Variants in GLMN observed in about 807,000 individuals in gnomAD.
GLMN encodes glomulin, FKBP associated protein, also known as glomulin.
GLMN carries 75 observed loss-of-function variants against 87.8 expected under a neutral mutation model. The observed-to-expected ratio is 0.85, with a 90% CI of 0.71 to 1.04. The LOEUF (loss-of-function observed/expected upper bound fraction) is 1.04, where lower values mean the gene tolerates loss of function less well. Among genes scored for constraint, GLMN ranks in the 50% least tolerant of loss-of-function variants. GLMN has a pLI of 0.00. For missense variants in GLMN, 588 were observed against 658.8 expected (o/e 0.89, Z 1.18); for synonymous variants, 206 against 221.6 (o/e 0.93, Z 0.63).
At chr1:92,368,417 T>C in the GLMN span, among the ~76,000 whole-genome samples, 5 of 152,258 alleles carry the variant, frequency 3.3e-5, no homozygotes, top group Admixed American at 3.3e-4. Context: ...CTGACTTTTA[T>C]TGTACTCCAC....
the GLMN span, among the ~76,000 whole-genome samples, chr1:92,334,405 G>A: frequency 6.6e-6 from 1 of 152,112 alleles, no homozygotes; most frequent in Non-Finnish European, 1.5e-5. Context: ...TATATTAGAT[G>A]ACACTAAGGA....
intron 16 of GLMN, among the ~76,000 whole-genome samples, chr1:92,256,257 T>C (rs1182334784): frequency 6.6e-6 from 1 of 151,824 alleles, no homozygotes; most frequent in Non-Finnish European, 1.5e-5. Context: ...GAGGCAGTAA[T>C]TAATAGCCTA....
intron 16 of GLMN, among the ~76,000 whole-genome samples, chr1:92,260,903 C>A (rs1448547224): frequency 6.6e-6 from 1 of 152,056 alleles, no homozygotes; most frequent in African/African-American, 2.4e-5. Flanking sequence ...AAACTGCTCT[C>A]AGGTCTTCCC....
At chr1:92,276,270 A>G (rs1287925972) in intron 7 of GLMN, among the ~76,000 whole-genome samples, 1 of 151,592 alleles carries the variant, frequency 6.6e-6, no homozygotes, top group Non-Finnish European at 1.5e-5. Flanking sequence ...TATTAAATAT[A>G]CATATATTTA....
In GLMN at chr1:92,291,517, G is replaced by A. The variant is rs756654391; in HGVS notation, c.186C>T (p.Gly62=). 2 of 1,613,176 alleles carry A rather than the reference G, an allele frequency of 1.2e-6. No individual in the cohort carries two copies. Among genetic ancestry groups the A allele is most frequent in the Admixed American group, 3.3e-5 (2 of 60,004 alleles). ...EKNKVIIKNM[G]WNLVGPVVRC... is the part of the protein sequence containing the mutation. ...GAACAACAGGACCAACGAGATTCCAGCCCATATTCTTGATGATGACCTGTA... is the reference window on the plus strand; with the variant it reads ...GAACAACAGGACCAACGAGATTCCAACCCATATTCTTGATGATGACCTGTA... The change falls in exon 4 of 19, where the codon GGC becomes GGT. Residue 62 remains glycine, a synonymous_variant. Transcript: ENST00000370360.
chr1:92,289,966 T>C (rs1050974575), intron 5 of GLMN, among the ~76,000 whole-genome samples: 4 of 152,228 alleles, frequency 2.6e-5, no homozygotes, highest in African/African-American at 9.6e-5. Context: ...ATATAGCACA[T>C]GAAAAATAGT....
chr1:92,350,809 A>G, the GLMN span, among the ~76,000 whole-genome samples: 1 of 152,010 alleles, frequency 6.6e-6, no homozygotes, highest in East Asian at 1.9e-4. Context: ...GGGCATGCCT[A>G]TAGTTCCAGC....
At chr1:92,344,594 TGA>T in the GLMN span, among the ~76,000 whole-genome samples, 1 of 152,150 alleles carries the variant, frequency 6.6e-6, no homozygotes, top group Non-Finnish European at 1.5e-5. Flanking sequence ...TATGTATAAG[TGA>T]GAGTATTTTT....
chr1:92,339,737 C>T, the GLMN span, among the ~76,000 whole-genome samples: 5 of 151,900 alleles, frequency 3.3e-5, no homozygotes, highest in South Asian at 2.1e-4. Context: ...AAAATACAGC[C>T]GGGCACAGTG....
At chr1:92,290,418 G>A in intron 4 of GLMN, 112 bp from the exon 5 acceptor site, 2 of 699,296 alleles carry the variant, frequency 2.9e-6, no homozygotes, top group South Asian at 1.6e-5. Context: ...TTATGTTTTT[G>A]CTTAACATTA....
At chr1:92,328,363 T>G in the GLMN span, among the ~76,000 whole-genome samples, 4 of 152,222 alleles carry the variant, frequency 2.6e-5, no homozygotes, top group Non-Finnish European at 5.9e-5. Context: ...AAATTCTTTT[T>G]TCTTTGTTGG....
At chr1:92,305,450 A>AAAAAAAAAAAAAAAAAAAAAAC in the GLMN span, among the ~76,000 whole-genome samples, 2 of 141,852 alleles carry the variant, frequency 1.4e-5, 1 homozygote, top group African/African-American at 5.9e-5. Context: ...AAAAAAAAAA[A>AAAAAAAAAAAAAAAAAAAAAAC]AGACAATATG....
chr1:92,267,822 A>G, intron 11 of GLMN, 91 bp downstream of exon 11: 3 of 777,284 alleles, frequency 3.9e-6, no homozygotes, highest in Non-Finnish European at 7.0e-6. Context: ...GTTGCAGAGA[A>G]AAGAGTGGGA....
At chr1:92,286,411 T>G (rs1436228757) in intron 7 of GLMN, 79 bp downstream of exon 7, 1 of 696,694 alleles carries the variant, frequency 1.4e-6, no homozygotes, top group Non-Finnish European at 2.6e-6. Flanking sequence ...TTAATGAATG[T>G]ATCAATTTAC....
At chr1:92,302,330 GAA>G (rs777891331), upstream of GLMN, among the ~76,000 whole-genome samples, 13 of 132,180 alleles carry the variant, frequency 9.8e-5, no homozygotes, top group South Asian at 2.4e-4. Context: ...GGATGGGGGA[GAA>G]AAAAAAAAAA....
chr1:92,337,605 A>T, the GLMN span, among the ~76,000 whole-genome samples: 1 of 152,148 alleles, frequency 6.6e-6, no homozygotes, highest in African/African-American at 2.4e-5. Context: ...ACATTCTTCT[A>T]GAGTCTTCTG....
At chr1:92,263,838 A>T in intron 14 of GLMN, 106 bp from the exon 15 acceptor site, 1 of 751,806 alleles carries the variant, frequency 1.3e-6, no homozygotes, top group Non-Finnish European at 2.5e-6. Context: ...TTTAAAATAC[A>T]GTTTTTAACT....
At chr1:92,266,917 AT>A (rs1655702776) in intron 11 of GLMN, among the ~76,000 whole-genome samples, 176 bp from the exon 12 acceptor site, 2 of 152,130 alleles carry the variant, frequency 1.3e-5, no homozygotes, top group African/African-American at 4.8e-5. Flanking sequence ...ACTACAATTG[AT>A]TTTTTAAGTG....
the GLMN span, among the ~76,000 whole-genome samples, chr1:92,347,912 CT>C: frequency 4.3e-4 from 64 of 148,370 alleles, 1 homozygote; most frequent in East Asian, 7.1e-3. Flanking sequence ...GGCAATCAAT[CT>C]TTTTTTTTTT....
Sources: allele counts gnomAD v4.1 joint callset (sites outside exome capture counted in the v4.1 genomes callset), GRCh38; gene constraint gnomAD v4.1.1; transcripts MANE v1.5; gene names NCBI Gene and HGNC (gene_info 2026-07-23, HGNC 2026-07-21).